The following CCNL2 variants were observed in gnomAD, a reference collection of about 807,000 sequenced individuals.
The protein encoded by CCNL2 is cyclin L2.
In CCNL2, 28 loss-of-function variants were observed where a neutral mutation model predicts 59.1. That is an observed-to-expected ratio of 0.47 (90% CI 0.35 to 0.65). The LOEUF is 0.65. CCNL2 is among the 30% of genes least tolerant of loss of function. The pLI, the probability that CCNL2 is intolerant of heterozygous loss-of-function variation, is 0.00. For synonymous variants in CCNL2, 342 were observed against 288.6 expected (o/e 1.19, Z -1.88); for missense variants, 714 against 717.4 (o/e 1.00, Z 0.05).
intron 4 of CCNL2, among the ~76,000 whole-genome samples, chr1:1,394,512 G>A (rs963463501): frequency 6.6e-6 from 1 of 152,130 alleles, no homozygotes; most frequent in Admixed American, 6.5e-5. Context: ...AACTTTGGGA[G>A]GCCGAGGCAG....
At chr1:1,390,615 C>G (rs1166402347) in intron 6 of CCNL2, 52 bp from the exon 7 acceptor site, 1 of 1,531,018 alleles carries the variant, frequency 6.5e-7, no homozygotes, top group Admixed American at 1.7e-5. Context: ...TCACGGCCAG[C>G]AAGACTCAGG....
At position 1,390,282 on chromosome 1, in the gene CCNL2, C is replaced by A; in HGVS notation, c.954G>T (p.Gly318=). The part of the protein sequence containing the change: ...AKAQARGLLP[G]GTQVLDGTSG... ...AGGTACCATCCAGCACCTGTGTGCC[C>A]CCAGGCAACAGGCCCCGGGCTTGGG... Residue 318 remains glycine (G), a synonymous_variant, in exon 8 of 11, where the codon GGG becomes GGT. Transcript: ENST00000400809. The A allele has an allele frequency of 6.2e-7, 1 of 1,613,828 alleles. No individual in the cohort carries two copies. Among genetic ancestry groups the A allele is most frequent in the Non-Finnish European group, 8.5e-7 (1 of 1,179,808 alleles).
chr1:1,397,351 G>C (rs1324454539), intron 3 of CCNL2, among the ~76,000 whole-genome samples: 1 of 152,176 alleles, frequency 6.6e-6, no homozygotes, highest in Non-Finnish European at 1.5e-5. Flanking sequence ...CTGGAGTGCA[G>C]TGGTGACATC....
Position 1,398,314 on chromosome 1 carries a change from G to C in CCNL2, c.392C>G (p.Ala131Gly). 1 of 1,614,198 alleles carries C rather than the reference G, an allele frequency of 6.2e-7. No homozygotes were observed. The highest frequency in any genetic ancestry group is 8.5e-7 in the Non-Finnish European group (1 of 1,180,022). ...EHVSMACVHLASKIEEAPRRI... is the reference protein window; with the variant it reads ...EHVSMACVHLGSKIEEAPRRI... Reference sequence around the variant, plus strand: ...TCTTGGGGCCTCTTCTATCTTGGAAGCCAGGTGGACACAGGCCATTGACAC... The same window carrying C: ...TCTTGGGGCCTCTTCTATCTTGGAACCCAGGTGGACACAGGCCATTGACAC... The change falls in exon 3 of 11, where the codon GCT becomes GGT. Residue 131 changes from alanine (A) to glycine (G), a missense_variant. Coordinates refer to ENST00000400809, the MANE Select transcript of CCNL2 (RefSeq NM_030937.6).
At chr1:1,391,459 C>T (rs1043302443) in intron 5 of CCNL2, 2 of 1,255,694 alleles carry the variant, frequency 1.6e-6, no homozygotes, top group East Asian at 6.2e-5. Context: ...GGAAAAGCCC[C>T]TTGGGTGCAA....
intron 6 of CCNL2, 64 bp downstream of exon 6, chr1:1,390,702 G>C: frequency 6.5e-7 from 1 of 1,529,494 alleles, no homozygotes; most frequent in Non-Finnish European, 9.1e-7. Context: ...ACACAGTAAA[G>C]TTTACTGGAG....
In CCNL2 at chr1:1,388,035, T is replaced by G; in HGVS notation, c.1037A>C (p.Lys346Thr). 1 of 1,613,964 alleles carries G rather than the reference T, an allele frequency of 6.2e-7. No individual in the cohort carries two copies. The highest frequency in any genetic ancestry group is 8.5e-7 in the Non-Finnish European group (1 of 1,179,998). The change falls in exon 9 of 11, where the codon AAG becomes ACG. Residue 346 changes from lysine (K) to threonine (T), a missense_variant. This residue lies in a region of CCNL2 where 403 missense variants were observed against 377.7 expected (regional missense o/e 1.07). Transcript: ENST00000400809. The stretch of plus-strand genomic sequence containing the variant: ...GTTCTTCACAGACAGTGGGGAAGGC[T>G]TGCTCCCTTTACCTTCTTTGGGGGA... The part of the protein sequence containing the change: ...VESPKEGKGS[K>T]PSPLSVKNTK...
chr1:1,396,572 T>G (rs1421882240), intron 3 of CCNL2, among the ~76,000 whole-genome samples: 2 of 73,164 alleles, frequency 2.7e-5, no homozygotes, highest in East Asian at 3.6e-4. Flanking sequence ...GGCAAGGCTG[T>G]TTTTTTTTTT....
At chr1:1,394,928 G>A (rs996141835) in intron 4 of CCNL2, among the ~76,000 whole-genome samples, 2 of 151,966 alleles carry the variant, frequency 1.3e-5, no homozygotes, top group Non-Finnish European at 2.9e-5. Context: ...GTGGTGGCAC[G>A]TGCCTGTAGT....
intron 8 of CCNL2, chr1:1,388,792 A>G (rs893936033): frequency 5.1e-6 from 2 of 389,442 alleles, no homozygotes; most frequent in Non-Finnish European, 4.9e-6. Context: ...AAAAAAAAAA[A>G]AAGCTGGGTA....
rs528566105 is a variant in CCNL2, at chr1:1,393,566, G to T, written c.595-106C>A. The T allele has an allele frequency of 1.6e-4, 157 of 982,346 alleles. No homozygotes were observed. The African/African-American group carries it at 2.1e-3, about 13-fold the overall frequency. 60.9% of individuals were successfully genotyped at this position (982,346 alleles called of 1,614,324 possible). ...ACAAGAGCCTCAAGCTAGATCCCAG[G>T]AGTGGCTCCTGGCCACACGTCTGGC... On this transcript the variant is annotated intron_variant, in intron 4 of 10. Coordinates refer to ENST00000400809, the MANE Select transcript of CCNL2 (RefSeq NM_030937.6).
chr1:1,399,286 C>A lies in CCNL2; in HGVS notation c.21G>T (p.Ala7=), dbSNP rs1300729907. Residue 7 remains alanine (A), a synonymous_variant, in exon 1 of 11, where the codon GCG becomes GCT. Coordinates refer to ENST00000400809, the MANE Select transcript of CCNL2 (RefSeq NM_030937.6). MAAAAA[A]AGAAGSAAPA... ...GAGCTGCCGACCCTGCAGCACCAGC[C>A]GCCGCCGCCGCCGCCGCCATTTTGT... 6 of 1,425,134 alleles carry A rather than the reference C, an allele frequency of 4.2e-6. No homozygotes were observed. Among genetic ancestry groups the A allele is most frequent in the African/African-American group, 1.5e-5 (1 of 65,970 alleles). The allele number at this position is 1,425,134 out of a possible 1,614,324, so 88.3% of individuals were successfully genotyped here.
chr1:1,398,442 C>A (rs1291301032), intron 2 of CCNL2, 100 bp from the exon 3 acceptor site: 1 of 1,576,830 alleles, frequency 6.3e-7, no homozygotes, highest in Non-Finnish European at 8.6e-7. Flanking sequence ...AAGGGAGGTG[C>A]ACCCAGGGGA....
chr1:1,398,692 C>G (rs201220408), intron 1 of CCNL2, 21 bp from the exon 2 acceptor site: 4 of 1,609,104 alleles, frequency 2.5e-6, no homozygotes. Context: ...AGAAAGTTTC[C>G]GTATTTTCAA....
chr1:1,398,912 T>TGGGGTC (rs1466501790), intron 1 of CCNL2, 107 bp downstream of exon 1: 32 of 1,270,764 alleles, frequency 2.5e-5, no homozygotes, highest in Non-Finnish European at 3.0e-5. Flanking sequence ...GGGCAGGGGC[T>TGGGGTC]GGGGTCGGGG....
At position 1,387,300 on chromosome 1, in the gene CCNL2, C is replaced by T. The variant is rs758966735; in HGVS notation, c.1494G>A (p.Ser498=). The T allele has an allele frequency of 1.4e-5, 23 of 1,613,504 alleles. No homozygotes were observed. Among genetic ancestry groups the T allele is most frequent in the East Asian group, 2.2e-5 (1 of 44,900 alleles). ...HYYRDQRRER[S]RSYERTGRRY... is the part of the protein sequence containing the mutation. ...GACGGCCTGTGCGTTCATACGACCT[C>T]GAGCGCTCTCGTCGCTGATCTCTGT... is the stretch of plus-strand genomic sequence containing the variant. The change falls in exon 11 of 11, where the codon TCG becomes TCA. Residue 498 remains serine (S), a synonymous_variant. Coordinates refer to ENST00000400809, the MANE Select transcript of CCNL2 (RefSeq NM_030937.6).
chr1:1,392,797 G>A (rs1203750889), intron 5 of CCNL2: 2 of 1,612,506 alleles, frequency 1.2e-6, no homozygotes, highest in Non-Finnish European at 1.7e-6. Context: ...TACCCTCAGA[G>A]GCTACCCTTT....
intron 8 of CCNL2, chr1:1,388,630 G>C (rs538578442): frequency 4.8e-6 from 2 of 413,076 alleles, no homozygotes; most frequent in East Asian, 7.1e-5. Context: ...AATTACCTGA[G>C]CGTGGTGGTG....
At position 1,398,232 on chromosome 1, in the gene CCNL2, CTT is replaced by C; in HGVS notation, c.472_473del (p.Lys158GlufsTer13). 1 of 1,614,060 alleles carries C rather than the reference CTT, an allele frequency of 6.2e-7. No homozygotes were observed. The highest frequency in any genetic ancestry group is 8.5e-7 in the Non-Finnish European group (1 of 1,179,910). ...AGACTAGACAGCTCTGACTGACTCACTTTTTGTCTCTCAGCTGTCGAAGGCGG... is the reference window on the plus strand; with the variant it reads ...AGACTAGACAGCTCTGACTGACTCACTTTGTCTCTCAGCTGTCGAAGGCGG... ...FHRLRQLRDK[K>X]KPVPLLLDQD... On this transcript the variant is annotated frameshift_variant and splice_region_variant, in exon 3 of 11. Coordinates refer to ENST00000400809, the MANE Select transcript of CCNL2 (RefSeq NM_030937.6). LOFTEE classifies it high-confidence loss of function.
Sources: allele counts gnomAD v4.1 joint callset (sites outside exome capture counted in the v4.1 genomes callset), GRCh38; gene constraint gnomAD v4.1.1; regional missense constraint gnomAD v4.1.1; transcripts MANE v1.5; gene names NCBI Gene and HGNC (gene_info 2026-07-23, HGNC 2026-07-21).